Variants in VPS37A observed in about 807,000 individuals in gnomAD.
VPS37A encodes VPS37A subunit of ESCRT-I.
VPS37A carries 30 observed loss-of-function variants against 49.8 expected under a neutral mutation model. The observed-to-expected ratio is 0.60, with a 90% CI of 0.45 to 0.82. VPS37A has a LOEUF of 0.82. Ranked by LOEUF, VPS37A falls within the 40% of genes least tolerant of loss-of-function variation. VPS37A has a pLI of 0.00. For missense variants in VPS37A, 593 were observed against 464.4 expected (o/e 1.28, Z -2.55); for synonymous variants, 195 against 160.6 (o/e 1.21, Z -1.62).
At chr8:17,299,184 G>A (rs960439900), downstream of VPS37A, 9 of 152,162 alleles carry the variant, frequency 5.9e-5, no homozygotes, top group Admixed American at 3.3e-4. Flanking sequence ...ATCAGTGTTA[G>A]AGAAAAAGTG....
At chr8:17,302,040 C>A, downstream of VPS37A, 2 of 1,406,704 alleles carry the variant, frequency 1.4e-6, no homozygotes, top group Non-Finnish European at 2.0e-6. Flanking sequence ...AGGTGTTCTA[C>A]TGACTAAAAA....
chr8:17,271,244 G>A (rs1024604908), intron 4 of VPS37A, among the ~76,000 whole-genome samples: 1 of 152,166 alleles, frequency 6.6e-6, no homozygotes, highest in African/African-American at 2.4e-5. Flanking sequence ...TTAAGGGTCT[G>A]TTAGCCTCTT....
At chr8:17,281,024 T>A (rs1469191166) in intron 9 of VPS37A, among the ~76,000 whole-genome samples, 1 of 151,884 alleles carries the variant, frequency 6.6e-6, no homozygotes, top group African/African-American at 2.4e-5. Context: ...TTAGGAACTT[T>A]GGGTAAAGTC....
At chr8:17,317,413 G>A in the VPS37A span, among the ~76,000 whole-genome samples, 40,379 of 151,932 alleles carry the variant, frequency 0.27, 6,235 homozygotes, top group African/African-American at 0.42. Flanking sequence ...TGTCCTAAGA[G>A]GACAGCTGGG....
intron 1 of VPS37A, among the ~76,000 whole-genome samples, chr8:17,260,058 C>G (rs576363171): frequency 6.6e-6 from 1 of 152,090 alleles, no homozygotes; most frequent in African/African-American, 2.4e-5. Flanking sequence ...GAATTTAGTC[C>G]ATTACATTAA....
intron 1 of VPS37A, among the ~76,000 whole-genome samples, chr8:17,259,804 C>T (rs776044624): frequency 1.3e-5 from 2 of 151,852 alleles, no homozygotes; most frequent in Non-Finnish European, 2.9e-5. Context: ...CTGAATTGAC[C>T]CCTTTATCAT....
chr8:17,247,317 C>G lies in VPS37A; in HGVS notation c.73C>G (p.Leu25Val). Reference protein sequence around the residue: ...AAGSPGGLTSLQQQKQRLIES... With the variant: ...AAGSPGGLTSVQQQKQRLIES... ...TGGGTCCCCCGGTGGCCTCACCAGCCTCCAGCAGCAGAAGCAGCGCCTGAT... is the reference window on the plus strand; with the variant it reads ...TGGGTCCCCCGGTGGCCTCACCAGCGTCCAGCAGCAGAAGCAGCGCCTGAT... Residue 25 changes from leucine (L) to valine (V), a missense_variant, in exon 1 of 12, where the codon CTC becomes GTC. Transcript: ENST00000324849. 1 of 1,562,760 alleles carries G rather than the reference C, an allele frequency of 6.4e-7. No individual in the cohort carries two copies. Among genetic ancestry groups the G allele is most frequent in the Non-Finnish European group, 8.7e-7 (1 of 1,153,702 alleles).
downstream of VPS37A, among the ~76,000 whole-genome samples, chr8:17,302,670 G>C (rs183740142): frequency 6.7e-3 from 772 of 115,676 alleles, 5 homozygotes; most frequent in Admixed American, 0.016. Context: ...TTTGTATCAC[G>C]ACCACTAAAA....
intron 11 of VPS37A, among the ~76,000 whole-genome samples, chr8:17,288,855 A>G (rs895305149): frequency 8.5e-5 from 13 of 152,266 alleles, no homozygotes; most frequent in African/African-American, 1.7e-4. Flanking sequence ...AGGTGTTCCT[A>G]TTTCTCCACA....
the VPS37A span, among the ~76,000 whole-genome samples, chr8:17,310,955 C>T: frequency 2.6e-4 from 40 of 152,200 alleles, 1 homozygote; most frequent in East Asian, 3.9e-4. Flanking sequence ...ATTTGATGCC[C>T]ACCTAAAAAG....
the VPS37A span, among the ~76,000 whole-genome samples, chr8:17,331,995 T>C: frequency 6.6e-6 from 1 of 152,230 alleles, no homozygotes; most frequent in Admixed American, 6.5e-5. Flanking sequence ...AGAAGTTTAT[T>C]AAATCCAAAC....
At chr8:17,317,025 A>C in the VPS37A span, among the ~76,000 whole-genome samples, 75,214 of 152,050 alleles carry the variant, frequency 0.49, 19,052 homozygotes, top group African/African-American at 0.55. Context: ...CTGATGCTTT[A>C]AGTTTTGCCA....
intron 3 of VPS37A, 59 bp downstream of exon 3, chr8:17,268,431 A>G: frequency 7.9e-7 from 1 of 1,265,644 alleles, no homozygotes; most frequent in South Asian, 1.4e-5. Context: ...CTTTTCTACT[A>G]AATATTTTAG....
At chr8:17,300,239 A>G, downstream of VPS37A, 1 of 1,589,160 alleles carries the variant, frequency 6.3e-7, no homozygotes. Context: ...GAAAGAAATA[A>G]CAATTTCAGG....
intron 1 of VPS37A, among the ~76,000 whole-genome samples, chr8:17,260,926 G>C (rs1367588214): frequency 6.6e-6 from 1 of 152,104 alleles, no homozygotes; most frequent in Non-Finnish European, 1.5e-5. Flanking sequence ...TTGAGAGTTT[G>C]ATGATTATAT....
chr8:17,331,221 T>C, the VPS37A span: 9 of 1,612,568 alleles, frequency 5.6e-6, no homozygotes, highest in Non-Finnish European at 7.6e-6. Context: ...AAACTTGATA[T>C]TGGAATAATT....
intron 2 of VPS37A, among the ~76,000 whole-genome samples, chr8:17,267,762 A>G (rs1167327566): frequency 2.6e-5 from 4 of 152,340 alleles, no homozygotes; most frequent in African/African-American, 9.6e-5. Flanking sequence ...CCTGGGCTCA[A>G]GTGGCTCTCC....
chr8:17,282,328 T>C (rs1007699369), intron 9 of VPS37A, among the ~76,000 whole-genome samples: 1 of 152,152 alleles, frequency 6.6e-6, no homozygotes, highest in Non-Finnish European at 1.5e-5. Flanking sequence ...GTTAGATCAT[T>C]GTATCATACA....
chr8:17,313,294 T>C, the VPS37A span: 2 of 1,605,322 alleles, frequency 1.2e-6, no homozygotes, highest in Non-Finnish European at 1.7e-6. Context: ...TTGCATACCT[T>C]TGCAATGAAG....
Sources: allele counts gnomAD v4.1 joint callset (sites outside exome capture counted in the v4.1 genomes callset), GRCh38; gene constraint gnomAD v4.1.1; transcripts MANE v1.5; gene names NCBI Gene and HGNC (gene_info 2026-07-23, HGNC 2026-07-21).